CCDC88A: variants seen among roughly 807,000 people sequenced by gnomAD.
CCDC88A encodes coiled-coil and HOOK domain protein 88A, also known as girdin.
In CCDC88A, 54 loss-of-function variants were observed where a neutral mutation model predicts 234.3. That is an observed-to-expected ratio of 0.23 (90% confidence interval 0.19 to 0.29). The LOEUF (loss-of-function observed/expected upper bound fraction) is 0.29. Ranked by LOEUF, CCDC88A falls within the 10% of genes least tolerant of loss-of-function variation. CCDC88A has a pLI of 1.00. For synonymous variants in CCDC88A, 753 were observed against 737.8 expected (o/e 1.02, Z -0.33); for missense variants, 1,832 against 2,123.4 (o/e 0.86, Z 2.70).
intron 3 of CCDC88A, 64 bp from the exon 4 acceptor site, chr2:55,374,947 T>G (rs553151637): frequency 4.5e-5 from 44 of 974,978 alleles, no homozygotes; most frequent in Non-Finnish European, 5.8e-5. Flanking sequence ...TTCATCAAGC[T>G]ATAACTTATG....
chr2:55,352,836 T>C (rs1461201267), intron 8 of CCDC88A, among the ~76,000 whole-genome samples: 1 of 71,756 alleles, frequency 1.4e-5, no homozygotes, highest in Non-Finnish European at 3.1e-5. Context: ...TTGCACTTTC[T>C]GATTGTAATT....
At chr2:55,323,186 A>T (rs1574103080) in intron 17 of CCDC88A, 1 of 152,384 alleles carries the variant, frequency 6.6e-6, no homozygotes, top group East Asian at 1.9e-4. Context: ...TAACTTGCTC[A>T]TCATACATGA....
chr2:55,340,940 T>C (rs186660326), intron 12 of CCDC88A, among the ~76,000 whole-genome samples: 4 of 152,122 alleles, frequency 2.6e-5, no homozygotes, highest in Admixed American at 2.6e-4. Context: ...TTGTGTCCTT[T>C]GACCAACATC....
Position 55,328,364 on chromosome 2 carries a change from A to G in CCDC88A, c.2927T>C (p.Ile976Thr). Residue 976 changes from isoleucine to threonine, a missense_variant, in exon 17 of 33, where the codon ATT becomes ACT. Physicochemically the swap from Ile to Thr is moderately conservative, Grantham distance 89 (BLOSUM62 -1). Around this residue, in one of 6 missense-constraint regions of CCDC88A, gnomAD observed 1,282 missense variants for 1,543.6 expected, o/e 0.83. Transcript: ENST00000436346. This position sits in a 1 kb window ranked among gnomAD's most constrained non-coding sequence, Gnocchi z 4.3. ...KKSLEIKEEKIAALEARLEES... is the reference protein window; with the variant it reads ...KKSLEIKEEKTAALEARLEES... ...TTCTAATCGAGCTTCTAAAGCAGCA[A>G]TTTTTTCTTCTTTTATTTCAAGAGA... 6.2e-7 allele frequency: 1 copy of G among 1,600,792 alleles called. No individual in the cohort carries two copies. The highest frequency in any genetic ancestry group is 1.1e-5 in the South Asian group (1 of 87,934).
At chr2:55,404,559 T>C (rs923600009) in intron 2 of CCDC88A, 2 of 151,894 alleles carry the variant, frequency 1.3e-5, no homozygotes, top group Admixed American at 6.6e-5. Context: ...AAAAGTAAAA[T>C]AGAAGACAAA....
At chr2:55,393,042 A>G (rs1676903300) in intron 2 of CCDC88A, among the ~76,000 whole-genome samples, 1 of 152,174 alleles carries the variant, frequency 6.6e-6, no homozygotes, top group East Asian at 1.9e-4. Flanking sequence ...ATATTTATAA[A>G]GTTCTACGAA....
intron 11 of CCDC88A, 122 bp from the exon 12 acceptor site, chr2:55,343,914 A>C: frequency 2.4e-6 from 2 of 839,400 alleles, no homozygotes; most frequent in Non-Finnish European, 3.5e-6. Context: ...GAGTTCTTTA[A>C]ATTTTTCAGT....
Position 55,318,917 on chromosome 2 carries a change from G to A in CCDC88A, c.3250C>T (p.Leu1084Phe). Residue 1084 changes from leucine to phenylalanine, a missense_variant, in exon 19 of 33, where the codon CTT becomes TTT. Leu to Phe is a conservative substitution (Grantham distance 22). Transcript: ENST00000436346. ...GACACTGTCTGCCTCTGAAGTGCAA[G>A]AATCTGAGCCTGCAAATTATTGTTC... ...TQNNNLQAQI[L>F]ALQRQTVSLQ... 1 of 1,613,244 alleles carries A rather than the reference G, an allele frequency of 6.2e-7. No individual in the cohort carries two copies. Among genetic ancestry groups the A allele is most frequent in the Non-Finnish European group, 8.5e-7 (1 of 1,179,422 alleles).
Position 55,346,331 on chromosome 2 carries a change from G to A in CCDC88A, c.885C>T (p.Asn295=), listed in dbSNP as rs1345499309. Residue 295 remains asparagine (N), a splice_region_variant and synonymous_variant, in exon 10 of 33, where the codon AAC becomes AAT. Coordinates refer to ENST00000436346, the MANE Select transcript of CCDC88A (RefSeq NM_001365480.1). ...AGCGAGCATCCGAAAGCAAATTCAT[G>A]TTCTAAACAAAAATTTAAAATTATA... ...EIELKRLQQE[N]MNLLSDARSA... The A allele has an allele frequency of 1.9e-6, 3 of 1,556,460 alleles. No homozygotes were observed. The highest frequency in any genetic ancestry group is 2.5e-5 in the South Asian group (2 of 80,114).
At chr2:55,363,372 T>A (rs150840293) in intron 6 of CCDC88A, among the ~76,000 whole-genome samples, 2 of 151,932 alleles carry the variant, frequency 1.3e-5, no homozygotes, top group African/African-American at 4.8e-5. Context: ...TTCTAAAGTG[T>A]CTTTATAAGA....
At chr2:55,365,874 T>C (rs3111404) in intron 5 of CCDC88A, among the ~76,000 whole-genome samples, 1 of 151,974 alleles carries the variant, frequency 6.6e-6, no homozygotes, top group Non-Finnish European at 1.5e-5. Context: ...AATACGGTGA[T>C]CATTAGCTAT....
intron 2 of CCDC88A, among the ~76,000 whole-genome samples, chr2:55,401,151 TA>T (rs910037546): frequency 6.6e-6 from 1 of 151,690 alleles, no homozygotes; most frequent in African/African-American, 2.4e-5. Flanking sequence ...ATGTATTGGC[TA>T]GGGGAGGTGG....
intron 18 of CCDC88A, among the ~76,000 whole-genome samples, chr2:55,319,242 C>T (rs1266385477): frequency 1.3e-5 from 2 of 152,106 alleles, no homozygotes; most frequent in Non-Finnish European, 2.9e-5. Flanking sequence ...TGTGTCTTGT[C>T]TGCATTATAA....
intron 18 of CCDC88A, chr2:55,320,829 G>A (rs1236827028): frequency 6.6e-6 from 1 of 152,224 alleles, no homozygotes; most frequent in Non-Finnish European, 1.5e-5. Flanking sequence ...TGATTTTTAG[G>A]TTGGGTGTGG....
In CCDC88A at chr2:55,385,694, A is replaced by T. The variant is rs553837415; in HGVS notation, c.273+3084T>A. Among the ~76,000 whole-genome samples, 27 of 151,720 alleles carry T rather than the reference A, an allele frequency of 1.8e-4. No homozygotes were observed. In the East Asian group the frequency reaches 4.9e-3, roughly 27 times the overall value. ...ATGGTGAAACCACACCTCTCATAAA[A>T]ATACAAAAATTAGCCGGGCCTGGTG... On this transcript the variant is annotated intron_variant, in intron 3 of 32. Transcript: ENST00000436346.
intron 31 of CCDC88A, chr2:55,294,262 A>C (rs189753916): frequency 2.1e-6 from 2 of 953,002 alleles, no homozygotes; most frequent in Admixed American, 1.2e-4. Context: ...TATAGAAGCC[A>C]TCTTGAAGAA....
rs1210861680 is a variant in CCDC88A at position 55,388,825 on chromosome 2, T to C, written c.226A>G (p.Met76Val). 3 of 1,545,550 alleles carry C rather than the reference T, an allele frequency of 1.9e-6. No individual in the cohort carries two copies. Among genetic ancestry groups the C allele is most frequent in the African/African-American group, 1.4e-5 (1 of 72,544 alleles). ...CTCACCAAAATGGATAGATTGTGCA[T>C]TCTAAGTGAGGCATCATTATTGACT... ...KKVNNDASLRMHNLSILVRQI... is the reference protein window; with the variant it reads ...KKVNNDASLRVHNLSILVRQI... Residue 76 changes from methionine (M) to valine (V), a missense_variant, in exon 3 of 33, where the codon ATG (methionine) becomes GTG (valine). Physicochemically the swap from Met to Val is conservative, Grantham distance 21 (BLOSUM62 1). This residue lies in a region of CCDC88A where 84 missense variants were observed against 80.9 expected (regional missense o/e 1.04). Transcript: ENST00000436346.
chr2:55,301,413 AACT>A (rs1264595443), intron 27 of CCDC88A, 136 bp from the exon 28 acceptor site: 4 of 14,174 alleles, frequency 2.8e-4, no homozygotes, highest in African/African-American at 3.3e-4. Context: ...TCATAGACTC[AACT>A]AGAAACTGGA....
intron 26 of CCDC88A, 31 bp downstream of exon 26, chr2:55,303,038 T>C: frequency 1.5e-6 from 2 of 1,357,102 alleles, no homozygotes; most frequent in Non-Finnish European, 2.1e-6. Flanking sequence ...TGTAGTCAGT[T>C]GAAAGAAGCT....
Sources: gnomAD v4.1 joint callset for allele counts (sites outside exome capture counted in the v4.1 genomes callset) on GRCh38, gnomAD v4.1.1 for gene constraint, gnomAD v4.1.1 regional missense constraint, Gnocchi (gnomAD v3.1) non-coding constraint, MANE v1.5 for transcripts, NCBI Gene and HGNC (gene_info 2026-07-23, HGNC 2026-07-21) for gene names.